BMPER: variants seen among roughly 807,000 people sequenced by gnomAD.
BMPER encodes BMP-binding endothelial regulator protein.
Under a neutral mutation model 87.3 loss-of-function variants are expected in BMPER, and 45 were observed. The observed-to-expected ratio is 0.52, with a 90% CI of 0.41 to 0.66. BMPER has a LOEUF of 0.66. BMPER is among the 30% of genes least tolerant of loss of function. BMPER has a pLI of 0.00. For missense variants in BMPER, 784 were observed against 867.5 expected (o/e 0.90, Z 1.21); for synonymous variants, 326 against 316.2 (o/e 1.03, Z -0.33).
chr7:34,058,052 C>A lies in BMPER; in HGVS notation c.928-7C>A. ...CTGCTGACAGGATCCTGTGCCCTCT[C>A]TTGTAGGATGGAGAGATGTGGTCCT... On this transcript the variant is annotated splice_region_variant and splice_polypyrimidine_tract_variant and intron_variant, in intron 9 of 14. Transcript: ENST00000649409. 6.2e-7 allele frequency: 1 copy of A among 1,613,550 alleles called. No individual in the cohort carries two copies. The highest frequency in any genetic ancestry group is 2.2e-5 in the East Asian group (1 of 44,860).
At chr7:33,924,276 C>G (rs2128605454) in intron 2 of BMPER, among the ~76,000 whole-genome samples, 1 of 152,358 alleles carries the variant, frequency 6.6e-6, no homozygotes, top group Non-Finnish European at 1.5e-5. Context: ...CTACCTGTTA[C>G]TGCTCTTGAC....
In BMPER at chr7:34,056,607, T is replaced by C. The variant is rs578189664; in HGVS notation, c.927+1304T>C. Among the ~76,000 whole-genome samples the C allele has an allele frequency of 3.3e-3, 495 of 149,560 alleles. 3 individuals carry two copies. Among genetic ancestry groups the C allele is most frequent in the African/African-American group, 0.011 (448 of 40,410 alleles). On this transcript the variant is annotated intron_variant, in intron 9 of 14. Transcript: ENST00000649409. ...CTCTCACTCTCACCATGGTGCTGTGTGCAATGCACTTTTTTTTTTTTTTTT... is the reference window on the plus strand; with the variant it reads ...CTCTCACTCTCACCATGGTGCTGTGCGCAATGCACTTTTTTTTTTTTTTTT...
chr7:33,962,524 C>G (rs184875736), intron 3 of BMPER, among the ~76,000 whole-genome samples: 97 of 152,232 alleles, frequency 6.4e-4, no homozygotes, highest in Middle Eastern at 3.4e-3. Context: ...TGGCCTCTAC[C>G]CATTAGATGC....
chr7:33,988,708 G>A (rs574179244), intron 6 of BMPER, among the ~76,000 whole-genome samples: 3 of 151,544 alleles, frequency 2.0e-5, no homozygotes, highest in Admixed American at 6.6e-5. Context: ...CTGGTGCGCT[G>A]TACCCACTAA....
At chr7:34,076,005 A>G (rs1788854465) in intron 11 of BMPER, among the ~76,000 whole-genome samples, 1 of 152,198 alleles carries the variant, frequency 6.6e-6, no homozygotes, top group East Asian at 1.9e-4. Context: ...CACAGTCATG[A>G]TATTTTGTTG....
chr7:33,969,939 A>T (rs1234635103), intron 4 of BMPER, among the ~76,000 whole-genome samples: 1 of 152,204 alleles, frequency 6.6e-6, no homozygotes. Flanking sequence ...GTGCCTCACC[A>T]TTAATGGCTT....
At chr7:34,009,732 A>G (rs535372955) in intron 6 of BMPER, among the ~76,000 whole-genome samples, 6 of 152,052 alleles carry the variant, frequency 3.9e-5, no homozygotes, top group South Asian at 4.1e-4. Context: ...ACTATTGTCA[A>G]CTAAGGCTAA....
At position 33,979,963 on chromosome 7, in the gene BMPER, A is replaced by G. The variant is rs575990000; in HGVS notation, c.576+5179A>G. On this transcript the variant is annotated intron_variant, in intron 6 of 14. Transcript: ENST00000649409. ...AGATAACGAAACAAATGCCTCACAC[A>G]TGATTGTACATCCTGGTTTCAGCTG... 8.5e-5 allele frequency among the ~76,000 whole-genome samples: 13 copies of G among 152,350 alleles called. No individual in the cohort carries two copies. In the East Asian group the frequency reaches 2.3e-3, roughly 27 times the overall value.
At chr7:34,066,491 C>T (rs2127967684) in intron 11 of BMPER, among the ~76,000 whole-genome samples, 1 of 152,318 alleles carries the variant, frequency 6.6e-6, no homozygotes, top group East Asian at 1.9e-4. Flanking sequence ...ACACAAACTT[C>T]ATAAAGCTTT....
At chr7:34,140,059 T>A (rs1790823943) in intron 13 of BMPER, among the ~76,000 whole-genome samples, 1 of 152,142 alleles carries the variant, frequency 6.6e-6, no homozygotes. Flanking sequence ...GGTTCTGAGA[T>A]CAGAAAAAAA....
At chr7:34,149,962 G>A (rs1386242291) in intron 14 of BMPER, among the ~76,000 whole-genome samples, 5 of 152,198 alleles carry the variant, frequency 3.3e-5, no homozygotes, top group Admixed American at 3.3e-4. Context: ...TTGTTAAGTA[G>A]ATAGGGAGAA....
chr7:33,944,291 A>T (rs1349690767), intron 3 of BMPER, among the ~76,000 whole-genome samples: 1 of 151,916 alleles, frequency 6.6e-6, no homozygotes, highest in African/African-American at 2.4e-5. Context: ...TCAGCCTCCC[A>T]AGTAGCTGGG....
rs535261600 is a variant in BMPER, at chr7:34,118,923, C to T, written c.1746-24307C>T. The stretch of plus-strand genomic sequence containing the variant: ...GTCTCTAGCCTGCCAGGCTACTCTA[C>T]AGATTTTGGATTTACCAGCCCCCAC... On this transcript the variant is annotated intron_variant, in intron 13 of 14. Transcript: ENST00000649409. Among the ~76,000 whole-genome samples the T allele has an allele frequency of 5.3e-5, 8 of 151,768 alleles. No homozygotes were observed. In the South Asian group the frequency reaches 1.7e-3, roughly 32 times the overall value.
At chr7:33,971,408 G>A (rs983389786) in intron 5 of BMPER, among the ~76,000 whole-genome samples, 3 of 152,014 alleles carry the variant, frequency 2.0e-5, no homozygotes, top group Admixed American at 6.6e-5. Context: ...CAGCAACCTG[G>A]GCTGTCTTTA....
intron 9 of BMPER, 124 bp downstream of exon 9, chr7:34,055,427 G>GCACA: frequency 1.7e-6 from 2 of 1,172,036 alleles, no homozygotes; most frequent in Non-Finnish European, 2.5e-6. Context: ...GTATATGTGT[G>GCACA]CATATATTAA....
chr7:34,146,040 TAC>T (rs1052487463), intron 14 of BMPER, among the ~76,000 whole-genome samples: 2 of 151,626 alleles, frequency 1.3e-5, no homozygotes, highest in African/African-American at 4.8e-5. Context: ...CTCTCACATA[TAC>T]ACACACACAC....
chr7:34,047,787 T>TTTCCTTCCTTCCTTCC (rs776382522), intron 7 of BMPER, among the ~76,000 whole-genome samples: 5 of 1,212 alleles, frequency 4.1e-3, no homozygotes, highest in Non-Finnish European at 6.3e-3. Context: ...CTTGATTTTC[T>TTTCCTTCCTTCCTTCC]TTCCTTCCTT....
intron 13 of BMPER, among the ~76,000 whole-genome samples, chr7:34,116,109 C>T (rs1030797530): frequency 2.0e-5 from 3 of 152,144 alleles, no homozygotes; most frequent in African/African-American, 7.2e-5. Flanking sequence ...CACATTTAAA[C>T]ATAATAAATA....
intron 6 of BMPER, among the ~76,000 whole-genome samples, chr7:33,975,519 T>C (rs1159131381): frequency 6.6e-6 from 1 of 152,178 alleles, no homozygotes; most frequent in East Asian, 1.9e-4. Flanking sequence ...GCTACAATTG[T>C]AAAGGGATCT....
Sources: allele counts gnomAD v4.1 joint callset (sites outside exome capture counted in the v4.1 genomes callset), GRCh38; gene constraint gnomAD v4.1.1; transcripts MANE v1.5; gene names NCBI Gene and HGNC (gene_info 2026-07-23, HGNC 2026-07-21).